The following CENPQ variants were observed in gnomAD, a reference collection of about 807,000 sequenced individuals.
CENPQ encodes the protein centromere protein Q.
A neutral mutation model predicts 36.6 loss-of-function variants in CENPQ; 27 were observed. The observed-to-expected ratio is 0.74, with a 90% CI of 0.54 to 1.02. The LOEUF (loss-of-function observed/expected upper bound fraction) is 1.02. CENPQ is among the 50% of genes least tolerant of loss of function. CENPQ has a pLI of 0.00. For synonymous variants in CENPQ, 101 were observed against 101.7 expected (o/e 0.99, Z 0.04); for missense variants, 306 against 301.8 (o/e 1.01, Z -0.10).
At chr6:49,468,504 GA>G (rs1323277538) in intron 1 of CENPQ, among the ~76,000 whole-genome samples, 1 of 152,058 alleles carries the variant, frequency 6.6e-6, no homozygotes, top group Non-Finnish European at 1.5e-5. Flanking sequence ...TGAGGCAGGA[GA>G]ATCGCTTAAA....
chr6:49,482,441 A>T (rs1426810458), intron 6 of CENPQ, among the ~76,000 whole-genome samples: 1 of 151,620 alleles, frequency 6.6e-6, no homozygotes, highest in South Asian at 2.1e-4. Context: ...CCTGATGACC[A>T]CTCTAGCTAC....
Position 49,472,058 on chromosome 6 carries a change from G to T in CENPQ, c.158-5G>T. 1 of 1,608,460 alleles carries T rather than the reference G, an allele frequency of 6.2e-7. No individual in the cohort carries two copies. Among genetic ancestry groups the T allele is most frequent in the Non-Finnish European group, 8.5e-7 (1 of 1,177,762 alleles). The stretch of plus-strand genomic sequence containing the variant: ...GATCAGAGCCTCTTCTATTACTAAC[G>T]ACAGGACAAACAAAGCACACTAACC... On this transcript the variant is annotated splice_polypyrimidine_tract_variant and splice_region_variant and intron_variant, in intron 3 of 8. Coordinates refer to ENST00000335783, the MANE Select transcript of CENPQ (RefSeq NM_018132.4).
rs1253933049 is a variant in CENPQ, at chr6:49,481,099, GA to G, written c.477+21del. On this transcript the variant is annotated intron_variant, in intron 6 of 8. Transcript: ENST00000335783. Reference sequence around the variant, plus strand: ...ACTACAGGTATGAAATTTGAATAGGGAATCCATAATTAGAGAGTTAGGGAAA... The same window carrying G: ...ACTACAGGTATGAAATTTGAATAGGGATCCATAATTAGAGAGTTAGGGAAA... 3 of 1,575,084 alleles carry G rather than the reference GA, an allele frequency of 1.9e-6. No individual in the cohort carries two copies. Among genetic ancestry groups the G allele is most frequent in the Non-Finnish European group, 2.6e-6 (3 of 1,165,946 alleles).
chr6:49,466,138 G>A (rs927689866), intron 1 of CENPQ, among the ~76,000 whole-genome samples: 1 of 152,138 alleles, frequency 6.6e-6, no homozygotes, highest in African/African-American at 2.4e-5. Context: ...AGAGAGGCAG[G>A]GAACAGCCAG....
At chr6:49,471,994 A>G (rs535971062) in intron 3 of CENPQ, 69 bp from the exon 4 acceptor site, 8 of 1,474,920 alleles carry the variant, frequency 5.4e-6, no homozygotes, top group African/African-American at 2.9e-5. Context: ...AGATGAAAAC[A>G]TTCCATTTTT....
chr6:49,490,794 A>G (rs1283802123), intron 8 of CENPQ, among the ~76,000 whole-genome samples: 1 of 152,174 alleles, frequency 6.6e-6, no homozygotes, highest in Admixed American at 6.6e-5. Flanking sequence ...GGAGAGGGAG[A>G]GAAACTGGGA....
At chr6:49,472,669 G>T in intron 4 of CENPQ, 121 bp from the exon 5 acceptor site, 1 of 667,092 alleles carries the variant, frequency 1.5e-6, no homozygotes, top group South Asian at 4.9e-5. Flanking sequence ...GAAAGGAAAA[G>T]TGATTGATTT....
chr6:49,488,568 C>A, intron 7 of CENPQ, 39 bp from the exon 8 acceptor site: 1 of 1,597,436 alleles, frequency 6.3e-7, no homozygotes, highest in Non-Finnish European at 8.6e-7. Flanking sequence ...TGAGAGAAAT[C>A]AGCTTTTTGA....
At chr6:49,475,674 C>T (rs990144568) in intron 5 of CENPQ, among the ~76,000 whole-genome samples, 3 of 152,050 alleles carry the variant, frequency 2.0e-5, no homozygotes, top group Non-Finnish European at 2.9e-5. Context: ...TCTAGAAAAC[C>T]CCATTGTCTC....
At chr6:49,479,410 T>G (rs1227383986) in intron 5 of CENPQ, among the ~76,000 whole-genome samples, 1 of 151,970 alleles carries the variant, frequency 6.6e-6, no homozygotes, top group Non-Finnish European at 1.5e-5. Context: ...ACTAGAGAAA[T>G]GCAAATGAAA....
At chr6:49,484,964 A>G (rs1230301793) in intron 6 of CENPQ, among the ~76,000 whole-genome samples, 1 of 152,200 alleles carries the variant, frequency 6.6e-6, no homozygotes, top group African/African-American at 2.4e-5. Context: ...GTCATAAATG[A>G]TAGTGTGATT....
In CENPQ at chr6:49,492,360, G is replaced by A. The variant is rs1768743849; in HGVS notation, c.*85G>A. ...GTTAACCTATGATTATATGTACAGA[G>A]GCTAAGGCTTCTGCAGGATTTATTA... On this transcript the variant is annotated 3_prime_UTR_variant, in exon 9 of 9. Transcript: ENST00000335783. The A allele has an allele frequency of 8.4e-7, 1 of 1,187,398 alleles. No homozygotes were observed. Among genetic ancestry groups the A allele is most frequent in the Admixed American group, 3.0e-5 (1 of 33,768 alleles). 73.6% of individuals were successfully genotyped at this position (1,187,398 alleles called of 1,614,324 possible). A position where few individuals can be genotyped will look rare whatever the true frequency, so the allele number is the denominator to read the frequency against.
At chr6:49,466,789 A>G (rs1768010774) in intron 1 of CENPQ, among the ~76,000 whole-genome samples, 6 of 152,200 alleles carry the variant, frequency 3.9e-5, no homozygotes. Context: ...CTTTAATGTT[A>G]GTACTTTTAT....
chr6:49,473,076 C>T (rs1397988860), intron 5 of CENPQ, among the ~76,000 whole-genome samples: 1 of 151,990 alleles, frequency 6.6e-6, no homozygotes, highest in African/African-American at 2.4e-5. Flanking sequence ...CTGAAAATCA[C>T]GAAATTCTGT....
intron 8 of CENPQ, among the ~76,000 whole-genome samples, chr6:49,491,677 A>C (rs971364856): frequency 6.6e-6 from 1 of 152,178 alleles, no homozygotes; most frequent in Non-Finnish European, 1.5e-5. Context: ...GCACTTTGGG[A>C]GGCCAAGGCA....
intron 6 of CENPQ, among the ~76,000 whole-genome samples, chr6:49,484,749 C>T (rs535333906): frequency 6.6e-6 from 1 of 152,230 alleles, no homozygotes; most frequent in Admixed American, 6.5e-5. Context: ...TGGTGGCTGC[C>T]TCACTTTATT....
chr6:49,479,193 T>C (rs1768371360), intron 5 of CENPQ, among the ~76,000 whole-genome samples: 1 of 152,118 alleles, frequency 6.6e-6, no homozygotes, highest in Non-Finnish European at 1.5e-5. Context: ...GCCTACTTTT[T>C]TCTTTACAAA....
intron 5 of CENPQ, among the ~76,000 whole-genome samples, chr6:49,476,005 T>G (rs905533882): frequency 6.6e-6 from 1 of 151,992 alleles, no homozygotes; most frequent in African/African-American, 2.4e-5. Flanking sequence ...CTGCCCAAGG[T>G]AATTTATAGA....
intron 1 of CENPQ, among the ~76,000 whole-genome samples, chr6:49,467,490 G>GA (rs1768030703): frequency 6.6e-6 from 1 of 151,988 alleles, no homozygotes; most frequent in South Asian, 2.1e-4. Flanking sequence ...AAACTGTTCT[G>GA]AAAAAAGTCT....
Sources: gnomAD v4.1 joint callset for allele counts (sites outside exome capture counted in the v4.1 genomes callset) on GRCh38, gnomAD v4.1.1 for gene constraint, MANE v1.5 for transcripts, NCBI Gene and HGNC (gene_info 2026-07-23, HGNC 2026-07-21) for gene names.